Variants in EYA3 observed in about 807,000 individuals in gnomAD.
EYA3 encodes protein phosphatase EYA3.
Under a neutral mutation model 80.0 loss-of-function variants are expected in EYA3, and 39 were observed. The ratio of observed to expected loss-of-function variants is 0.49; its 90% CI spans 0.38 to 0.64. EYA3 has a LOEUF of 0.64. Ranked by LOEUF, EYA3 falls within the 30% of genes least tolerant of loss-of-function variation. EYA3 has a pLI of 0.00. For synonymous variants in EYA3, 206 were observed against 232.8 expected (o/e 0.88, Z 1.05); for missense variants, 523 against 676.1 (o/e 0.77, Z 2.51).
intron 1 of EYA3, among the ~76,000 whole-genome samples, chr1:28,087,145 A>G (rs1486261082): frequency 6.6e-6 from 1 of 152,198 alleles, no homozygotes; most frequent in Non-Finnish European, 1.5e-5. Context: ...CTAGATATAC[A>G]CTATAAACAT....
chr1:27,990,621 T>C (rs976334082), intron 14 of EYA3: 15 of 150,630 alleles, frequency 1.0e-4, no homozygotes, highest in African/African-American at 3.4e-4. Context: ...TGGTGCAATC[T>C]CAGCTTACTG....
intron 1 of EYA3, among the ~76,000 whole-genome samples, chr1:28,087,341 G>T (rs1018125358): frequency 6.6e-6 from 1 of 151,670 alleles, no homozygotes; most frequent in East Asian, 1.9e-4. Flanking sequence ...GGTGGAAATG[G>T]TAAGGAAAAA....
At position 28,081,593 on chromosome 1, in the gene EYA3, G is replaced by A. The variant is rs868428885; in HGVS notation, c.-69+6931C>T. Among the ~76,000 whole-genome samples the A allele has an allele frequency of 6.0e-4, 91 of 152,204 alleles. 1 individual carries two copies. Among genetic ancestry groups the A allele is most frequent in the South Asian group, 6.2e-4 (3 of 4,824 alleles). ...TATATTGGATTATTCTTTTGGTAAA[G>A]AGAGTGAGATTATCACATTCATTTC... On this transcript the variant is annotated intron_variant, in intron 1 of 17. Transcript: ENST00000373871.
chr1:28,052,559 T>C (rs1644288815), intron 2 of EYA3, among the ~76,000 whole-genome samples: 1 of 152,158 alleles, frequency 6.6e-6, no homozygotes, highest in African/African-American at 2.4e-5. Flanking sequence ...CCTCAAGCCA[T>C]ATGCAAAAAT....
chr1:28,035,073 T>C (rs1643369298), intron 6 of EYA3, among the ~76,000 whole-genome samples: 2 of 152,168 alleles, frequency 1.3e-5, no homozygotes, highest in Non-Finnish European at 2.9e-5. Flanking sequence ...CTAAAATGAC[T>C]TTTTGGTTCA....
Position 28,035,534 on chromosome 1 carries a change from A to T in EYA3, c.361+10T>A, listed in dbSNP as rs761893338. On this transcript the variant is annotated intron_variant, in intron 6 of 17. Transcript: ENST00000373871. ...CATTCTTAGAAATTGTTTACAATAC[A>T]GTGCCTTACCAAAAGGAGGTAGTCC... 4 of 1,611,390 alleles carry T rather than the reference A, an allele frequency of 2.5e-6. No individual in the cohort carries two copies. In the East Asian group the frequency reaches 8.9e-5, roughly 36 times the overall value.
At chr1:28,048,252 A>T in intron 3 of EYA3, 131 bp downstream of exon 3, 1 of 606,452 alleles carries the variant, frequency 1.6e-6, no homozygotes, top group East Asian at 2.8e-5. Flanking sequence ...TAAACCAAAT[A>T]ATTTCAAAAT....
intron 10 of EYA3, among the ~76,000 whole-genome samples, chr1:28,010,039 T>G (rs1456238245): frequency 6.6e-6 from 1 of 152,190 alleles, no homozygotes; most frequent in African/African-American, 2.4e-5. Flanking sequence ...TCTTTCTTCT[T>G]CACTCCAAAC....
chr1:28,068,377 G>A (rs2148923146), intron 1 of EYA3, among the ~76,000 whole-genome samples: 1 of 151,198 alleles, frequency 6.6e-6, no homozygotes, highest in Admixed American at 6.6e-5. Flanking sequence ...ATTACCTTAG[G>A]CTACTTATTC....
intron 1 of EYA3, among the ~76,000 whole-genome samples, chr1:28,074,517 T>C (rs1166406392): frequency 6.7e-6 from 1 of 150,356 alleles, no homozygotes; most frequent in Non-Finnish European, 1.5e-5. Flanking sequence ...AACTTTCTTT[T>C]TTTTTTTTTT....
chr1:28,062,454 C>G lies in EYA3; in HGVS notation c.-68-4360G>C, dbSNP rs546848054. Among the ~76,000 whole-genome samples the G allele has an allele frequency of 1.2e-4, 18 of 152,162 alleles. No homozygotes were observed. In the South Asian group the frequency reaches 3.7e-3, roughly 32 times the overall value. On this transcript the variant is annotated intron_variant, in intron 1 of 17. Transcript: ENST00000373871. ...GGCAGCCATAAATTTTATTTTTACT[C>G]TTTAGAAGTTAGAAGGGAAATAATT...
chr1:27,990,693 T>C (rs1237954152), intron 14 of EYA3, among the ~76,000 whole-genome samples: 2 of 151,818 alleles, frequency 1.3e-5, no homozygotes, highest in Non-Finnish European at 2.9e-5. Context: ...GCTGGGATTA[T>C]AGGCAGCTGC....
intron 3 of EYA3, among the ~76,000 whole-genome samples, chr1:28,044,282 T>C (rs1440143427): frequency 1.3e-5 from 2 of 152,236 alleles, no homozygotes; most frequent in East Asian, 3.8e-4. Context: ...ATTCTGCCAA[T>C]AACTAGCCCT....
chr1:28,041,864 C>A (rs1643801442), intron 4 of EYA3, among the ~76,000 whole-genome samples: 1 of 152,148 alleles, frequency 6.6e-6, no homozygotes, highest in Non-Finnish European at 1.5e-5. Flanking sequence ...CAAGAATACT[C>A]AACTTACTTC....
At chr1:27,978,349 G>C (rs776524488) in intron 17 of EYA3, 25 bp downstream of exon 17, 1 of 1,547,544 alleles carries the variant, frequency 6.5e-7, no homozygotes, top group South Asian at 1.1e-5. Flanking sequence ...CAACCACATA[G>C]ACTATTTTTC....
At chr1:27,993,665 CT>C in intron 13 of EYA3, 105 bp from the exon 14 acceptor site, 1 of 863,956 alleles carries the variant, frequency 1.2e-6, no homozygotes, top group Non-Finnish European at 1.7e-6. Context: ...AGGCCAATGG[CT>C]TTAAGGATCT....
intron 10 of EYA3, among the ~76,000 whole-genome samples, chr1:28,010,386 CCTTTT>C (rs1258523600): frequency 2.0e-5 from 3 of 152,062 alleles, no homozygotes; most frequent in Non-Finnish European, 2.9e-5. Flanking sequence ...CTAGTCCTTT[CCTTTT>C]AAATTTCTTT....
At chr1:28,081,186 T>C (rs1645415031) in intron 1 of EYA3, among the ~76,000 whole-genome samples, 1 of 152,158 alleles carries the variant, frequency 6.6e-6, no homozygotes, top group Admixed American at 6.5e-5. Flanking sequence ...AGTAAATAAA[T>C]ACATACTAAC....
chr1:28,038,169 G>A (rs1643555659), intron 5 of EYA3, among the ~76,000 whole-genome samples: 1 of 152,134 alleles, frequency 6.6e-6, no homozygotes, highest in Admixed American at 6.6e-5. Context: ...CAGGCTGGGC[G>A]TGATGGCTCA....
Sources: allele counts gnomAD v4.1 joint callset (sites outside exome capture counted in the v4.1 genomes callset), GRCh38; gene constraint gnomAD v4.1.1; transcripts MANE v1.5; gene names NCBI Gene and HGNC (gene_info 2026-07-23, HGNC 2026-07-21).